Variants in NDST3 observed in about 807,000 individuals in gnomAD.
The protein encoded by NDST3 is bifunctional heparan sulfate N-deacetylase/N-sulfotransferase 3.
NDST3 carries 58 observed loss-of-function variants against 96.1 expected under a neutral mutation model. The ratio of observed to expected loss-of-function variants is 0.60; its 90% CI spans 0.49 to 0.75. NDST3 has a LOEUF of 0.75. NDST3 is among the 30% of genes least tolerant of loss of function. The pLI is 0.00. For missense variants in NDST3, 788 were observed against 1,034.2 expected (o/e 0.76, Z 3.27); for synonymous variants, 333 against 359.7 (o/e 0.93, Z 0.84).
chr4:118,066,278 ATATTATATATATTATATATATTATG>A (rs1726410637), intron 2 of NDST3, among the ~76,000 whole-genome samples: 1 of 4,984 alleles, frequency 2.0e-4, no homozygotes, highest in African/African-American at 2.1e-4. Context: ...TATATATTAT[ATATTATATATATTATATATATTATG>A]TATTATATAT....
At chr4:118,255,551 A>G in intron 13 of NDST3, 42 bp from the exon 14 acceptor site, 1 of 1,567,350 alleles carries the variant, frequency 6.4e-7, no homozygotes, top group Non-Finnish European at 8.7e-7. Flanking sequence ...GAAATGTAAT[A>G]AACAAAATAA....
intron 2 of NDST3, among the ~76,000 whole-genome samples, chr4:118,058,649 G>T (rs1725654127): frequency 6.8e-6 from 1 of 147,630 alleles, no homozygotes; most frequent in Non-Finnish European, 1.5e-5. Context: ...GCGCGCGCAC[G>T]CATGCATGCA....
Position 118,253,553 on chromosome 4 carries a change from A to T in NDST3, c.2454A>T (p.Lys818Asn). 6.2e-7 allele frequency: 1 copy of T among 1,613,190 alleles called. No individual in the cohort carries two copies. The highest frequency in any genetic ancestry group is 8.5e-7 in the Non-Finnish European group (1 of 1,179,494). Reference protein sequence around the residue: ...WCQLLEEGKTKCLGKSKGRKY... With the variant: ...WCQLLEEGKTNCLGKSKGRKY... Reference sequence around the variant, plus strand: ...AGTTACTGGAAGAAGGTAAAACAAAATGCCTTGGAAAGAGCAAAGGAAGAA... The same window carrying T: ...AGTTACTGGAAGAAGGTAAAACAAATTGCCTTGGAAAGAGCAAAGGAAGAA... Residue 818 changes from lysine (K) to asparagine (N), a missense_variant, in exon 13 of 14, where the codon AAA becomes AAT. Coordinates refer to ENST00000296499, the MANE Select transcript of NDST3 (RefSeq NM_004784.3).
At chr4:118,076,900 G>A (rs1045452416) in intron 2 of NDST3, among the ~76,000 whole-genome samples, 3 of 152,146 alleles carry the variant, frequency 2.0e-5, no homozygotes, top group African/African-American at 7.2e-5. Context: ...TTGTGCACTC[G>A]TTCTTTCTCA....
intron 4 of NDST3, among the ~76,000 whole-genome samples, chr4:118,128,179 T>C (rs763341504): frequency 2.0e-5 from 3 of 152,104 alleles, no homozygotes; most frequent in Non-Finnish European, 2.9e-5. Flanking sequence ...CCTTCATTTC[T>C]TTCTCTTTTC....
chr4:118,251,940 T>C (rs1312872041), intron 12 of NDST3, among the ~76,000 whole-genome samples: 1 of 152,124 alleles, frequency 6.6e-6, no homozygotes, highest in Non-Finnish European at 1.5e-5. Flanking sequence ...TATAGCTCCC[T>C]TTTTTTCTAA....
At chr4:118,243,995 G>T (rs550559066) in intron 12 of NDST3, among the ~76,000 whole-genome samples, 3 of 152,168 alleles carry the variant, frequency 2.0e-5, no homozygotes, top group Admixed American at 2.0e-4. Context: ...CTGGTTGGGG[G>T]CTCAGTGGGT....
chr4:118,140,757 A>G (rs1211551116), intron 5 of NDST3, among the ~76,000 whole-genome samples: 2 of 152,158 alleles, frequency 1.3e-5, no homozygotes, highest in East Asian at 3.9e-4. Flanking sequence ...GCCCCTTATA[A>G]AATCATCAGG....
chr4:118,041,766 G>A (rs1013282037), intron 1 of NDST3, among the ~76,000 whole-genome samples: 2 of 152,086 alleles, frequency 1.3e-5, no homozygotes, highest in African/African-American at 2.4e-5. Flanking sequence ...ATACTGAAAT[G>A]TTTACATGTT....
chr4:118,247,252 T>C (rs1041878988), intron 12 of NDST3, among the ~76,000 whole-genome samples: 2 of 146,396 alleles, frequency 1.4e-5, no homozygotes, highest in African/African-American at 5.0e-5. Flanking sequence ...AAATGTAGAG[T>C]TAGAAAAGGT....
chr4:118,189,787 T>C (rs1737185463), intron 6 of NDST3, among the ~76,000 whole-genome samples: 1 of 152,162 alleles, frequency 6.6e-6, no homozygotes, highest in South Asian at 2.1e-4. Context: ...TAATACTCCA[T>C]TGAAATTTTC....
At chr4:118,220,686 C>CT (rs1227117677) in intron 6 of NDST3, among the ~76,000 whole-genome samples, 1 of 151,948 alleles carries the variant, frequency 6.6e-6, no homozygotes, top group African/African-American at 2.4e-5. Context: ...AACCAGTTCT[C>CT]TTTTTAGCAA....
At chr4:118,125,090 G>A (rs1047894510) in intron 4 of NDST3, among the ~76,000 whole-genome samples, 7 of 152,000 alleles carry the variant, frequency 4.6e-5, no homozygotes, top group Admixed American at 1.3e-4. Flanking sequence ...CCTAAGATCA[G>A]GCTGATATCA....
At chr4:118,114,666 G>T (rs1234274561) in intron 3 of NDST3, 140 bp from the exon 4 acceptor site, 2 of 795,682 alleles carry the variant, frequency 2.5e-6, no homozygotes, top group South Asian at 2.1e-5. Flanking sequence ...GATACATTTG[G>T]GTTTAAAGCC....
chr4:118,185,846 A>G (rs745533021), intron 6 of NDST3, among the ~76,000 whole-genome samples: 3 of 152,184 alleles, frequency 2.0e-5, no homozygotes, highest in Non-Finnish European at 2.9e-5. Flanking sequence ...TTCACTATGT[A>G]TAGAGAACCC....
intron 6 of NDST3, among the ~76,000 whole-genome samples, chr4:118,199,635 C>T (rs1737933428): frequency 6.6e-6 from 1 of 152,126 alleles, no homozygotes; most frequent in South Asian, 2.1e-4. Context: ...TCATTTGTGT[C>T]TGGCCATTGA....
At chr4:118,193,746 G>T in intron 6 of NDST3, 1 of 1,434,794 alleles carries the variant, frequency 7.0e-7, no homozygotes, top group Non-Finnish European at 9.7e-7. Context: ...CCCAGTTCCA[G>T]GGCCTTGTTA....
chr4:118,049,605 A>G (rs1209173599), intron 1 of NDST3, among the ~76,000 whole-genome samples: 1 of 151,946 alleles, frequency 6.6e-6, no homozygotes. Context: ...CTCTACTCAC[A>G]TGAATTAGAA....
rs564241622 is a variant in NDST3, at chr4:118,046,379, G to A, written c.-155-7377G>A. On this transcript the variant is annotated intron_variant, in intron 1 of 13. Transcript: ENST00000296499. The stretch of plus-strand genomic sequence containing the variant: ...GCAGCTCTGGCAGAACATGGTAATA[G>A]GTGTCCATAACCCAGGTCTCTCCAT... Among the ~76,000 whole-genome samples the A allele has an allele frequency of 9.5e-4, 144 of 152,288 alleles. 1 individual carries two copies. Among genetic ancestry groups the A allele is most frequent in the African/African-American group, 3.3e-3 (137 of 41,554 alleles).
Sources: gnomAD v4.1 joint callset for allele counts (sites outside exome capture counted in the v4.1 genomes callset) on GRCh38, gnomAD v4.1.1 for gene constraint, MANE v1.5 for transcripts, NCBI Gene and HGNC (gene_info 2026-07-23, HGNC 2026-07-21) for gene names.